Variants in PDE7B observed in about 807,000 individuals in gnomAD.
The protein encoded by PDE7B is phosphodiesterase 7B.
PDE7B carries 29 observed loss-of-function variants against 56.2 expected under a neutral mutation model. That is an observed-to-expected ratio of 0.52 (90% CI 0.38 to 0.70). PDE7B has a LOEUF of 0.70. Among genes scored for constraint, PDE7B ranks in the 30% least tolerant of loss-of-function variants. The probability of loss-of-function intolerance (pLI) is 0.00; values close to 1 mark genes in which losing one functional copy is unlikely to be tolerated. For synonymous variants in PDE7B, 197 were observed against 196.9 expected, an observed-to-expected ratio of 1.00 and a Z score of 0.00; for missense variants, 490 against 565.0, an observed-to-expected ratio of 0.87 and a Z score of 1.35.
intron 7 of PDE7B, among the ~76,000 whole-genome samples, chr6:136,154,405 CTG>C (rs1423184150): frequency 8.6e-5 from 11 of 128,316 alleles, no homozygotes; most frequent in African/African-American, 3.7e-4. Flanking sequence ...ATTTTTGAGG[CTG>C]TATTTGGACA....
intron 1 of PDE7B, among the ~76,000 whole-genome samples, chr6:135,899,101 C>T (rs114818155): frequency 0.1 from 15,410 of 152,128 alleles, 794 homozygotes; most frequent in African/African-American, 0.12. Context: ...CTCCTGCCAT[C>T]ATGTAAGATG....
intron 2 of PDE7B, among the ~76,000 whole-genome samples, chr6:135,990,869 T>A (rs1398016562): frequency 6.6e-6 from 1 of 152,228 alleles, no homozygotes; most frequent in African/African-American, 2.4e-5. Flanking sequence ...GACTAAAGAA[T>A]GGCTACTTCA....
chr6:136,009,241 TGTA>T (rs1161859553), intron 2 of PDE7B, among the ~76,000 whole-genome samples: 7 of 151,850 alleles, frequency 4.6e-5, no homozygotes, highest in African/African-American at 1.7e-4. Context: ...ACTGTAGCCT[TGTA>T]GTATAGTTTG....
chr6:135,876,433 T>TTGCATTTCTTCTCCTACATTTCA (rs1775494235), intron 1 of PDE7B, among the ~76,000 whole-genome samples: 1 of 152,234 alleles, frequency 6.6e-6, no homozygotes, highest in African/African-American at 2.4e-5. Flanking sequence ...CCTTATAATC[T>TTGCATTTCTTCTCCTACATTTCA]TGCATTTCTT....
chr6:135,865,571 G>A (rs1158798780), intron 1 of PDE7B, among the ~76,000 whole-genome samples: 2 of 150,876 alleles, frequency 1.3e-5, no homozygotes, highest in African/African-American at 4.9e-5. Context: ...AATCAAAGTG[G>A]CTGGTTTTCA....
At chr6:136,043,118 C>T (rs1224295980) in intron 2 of PDE7B, among the ~76,000 whole-genome samples, 1 of 152,212 alleles carries the variant, frequency 6.6e-6, no homozygotes, top group Non-Finnish European at 1.5e-5. Context: ...GTCTCAATGG[C>T]AGATAAGTAT....
chr6:136,132,027 A>T (rs1299339641), intron 3 of PDE7B, among the ~76,000 whole-genome samples: 1 of 152,174 alleles, frequency 6.6e-6, no homozygotes, highest in Non-Finnish European at 1.5e-5. Context: ...GTTTTACTAT[A>T]CTTTTTATGT....
intron 10 of PDE7B, among the ~76,000 whole-genome samples, chr6:136,180,556 C>T (rs1023129776): frequency 1.3e-5 from 2 of 152,176 alleles, no homozygotes; most frequent in Non-Finnish European, 2.9e-5. Context: ...TTGGGTCAAA[C>T]CAATGGACAC....
intron 2 of PDE7B, among the ~76,000 whole-genome samples, chr6:136,100,437 C>A (rs1031731108): frequency 6.6e-6 from 1 of 152,266 alleles, no homozygotes; most frequent in Middle Eastern, 3.4e-3. Context: ...TTTGTGTCCT[C>A]TTTTATTTCG....
At chr6:135,853,632 C>T (rs968434456) in intron 1 of PDE7B, among the ~76,000 whole-genome samples, 3 of 152,168 alleles carry the variant, frequency 2.0e-5, no homozygotes, top group Non-Finnish European at 4.4e-5. Context: ...TTACCTGACA[C>T]TGTAAGCTGT....
At chr6:135,865,987 T>A (rs1249153980) in intron 1 of PDE7B, among the ~76,000 whole-genome samples, 2 of 152,166 alleles carry the variant, frequency 1.3e-5, no homozygotes, top group Non-Finnish European at 2.9e-5. Flanking sequence ...GAAGTAAATA[T>A]TCAAAAATTT....
chr6:135,932,305 G>A (rs1774308142), intron 1 of PDE7B, among the ~76,000 whole-genome samples: 2 of 152,246 alleles, frequency 1.3e-5, no homozygotes, highest in East Asian at 1.9e-4. Flanking sequence ...CTTAAAGAGT[G>A]TAATTGGATT....
At chr6:136,061,196 A>C (rs895153632) in intron 2 of PDE7B, among the ~76,000 whole-genome samples, 1 of 151,992 alleles carries the variant, frequency 6.6e-6, no homozygotes, top group African/African-American at 2.4e-5. Flanking sequence ...AAAGTTCTGC[A>C]TGTGTGTGTG....
At chr6:136,116,594 A>G (rs1777835060) in intron 3 of PDE7B, among the ~76,000 whole-genome samples, 1 of 152,236 alleles carries the variant, frequency 6.6e-6, no homozygotes, top group South Asian at 2.1e-4. Context: ...TGGCCATCTG[A>G]AAAATTGGAG....
intron 2 of PDE7B, among the ~76,000 whole-genome samples, chr6:136,011,722 T>C (rs1430047052): frequency 3.3e-5 from 5 of 152,172 alleles, no homozygotes; most frequent in African/African-American, 1.2e-4. Context: ...GCATAGTTGC[T>C]AACCTGATGA....
chr6:135,902,346 T>C (rs1198166933), intron 1 of PDE7B, among the ~76,000 whole-genome samples: 3 of 149,412 alleles, frequency 2.0e-5, no homozygotes, highest in Non-Finnish European at 3.0e-5. Context: ...TTTTTTTTTC[T>C]TTTTTTAAAG....
At chr6:136,024,129 G>A (rs866444517) in intron 2 of PDE7B, among the ~76,000 whole-genome samples, 1 of 152,134 alleles carries the variant, frequency 6.6e-6, no homozygotes, top group Admixed American at 6.5e-5. Context: ...GAGATTTAGG[G>A]AGAAACTAAT....
Position 136,179,027 on chromosome 6 carries a change from G to C in PDE7B, c.834G>C (p.Leu278Phe), listed in dbSNP as rs1231739912. The change falls in exon 10 of 13, where the codon TTG (leucine) becomes TTC (phenylalanine). Residue 278 changes from leucine (L) to phenylalanine (F), a missense_variant. Physicochemically the swap from Leu to Phe is conservative, Grantham distance 22. Coordinates refer to ENST00000308191, the MANE Select transcript of PDE7B (RefSeq NM_018945.4). ...ATATTGAACAGCAGCTGGGCTCCTT[G>C]ATCTTGGCAACAGACATCAACAGGC... ...TQDIEQQLGS[L>F]ILATDINRQN... 6 of 1,614,052 alleles carry C rather than the reference G, an allele frequency of 3.7e-6. No homozygotes were observed. The highest frequency in any genetic ancestry group is 5.1e-6 in the Non-Finnish European group (6 of 1,180,016).
chr6:135,963,992 A>T (rs1774949673), intron 2 of PDE7B, among the ~76,000 whole-genome samples: 1 of 152,226 alleles, frequency 6.6e-6, no homozygotes, highest in Non-Finnish European at 1.5e-5. Context: ...GGACAAAGAG[A>T]CAGGCAAGTC....
Sources: gnomAD v4.1 joint callset for allele counts (sites outside exome capture counted in the v4.1 genomes callset) on GRCh38, gnomAD v4.1.1 for gene constraint, MANE v1.5 for transcripts, NCBI Gene and HGNC (gene_info 2026-07-23, HGNC 2026-07-21) for gene names.